YAE1: variants seen among roughly 807,000 people sequenced by gnomAD.
The protein encoded by YAE1 is YAE1 maturation factor of ABCE1.
In YAE1, 22 loss-of-function variants were observed where a neutral mutation model predicts 23.0. That is an observed-to-expected ratio of 0.96 (90% CI 0.68 to 1.37). The LOEUF (loss-of-function observed/expected upper bound fraction) is 1.37. Ranked by LOEUF, YAE1 falls within the 40% of genes most tolerant of loss-of-function variation. The pLI is 0.00. For synonymous variants in YAE1, 101 were observed against 97.0 expected, an observed-to-expected ratio of 1.04 and a Z score of -0.24; for missense variants, 260 against 262.1, an observed-to-expected ratio of 0.99 and a Z score of 0.06.
At chr7:39,599,233 G>A (rs1309286350) in intron 2 of YAE1, among the ~76,000 whole-genome samples, 1 of 150,834 alleles carries the variant, frequency 6.6e-6, no homozygotes, top group Non-Finnish European at 1.5e-5. Flanking sequence ...GAGAGACATG[G>A]TCTCAAAAAA....
intron 1 of YAE1, 157 bp downstream of exon 1, chr7:39,566,704 G>A: frequency 9.4e-7 from 1 of 1,063,930 alleles, no homozygotes; most frequent in Non-Finnish European, 1.3e-6. Context: ...TTTCTCGATG[G>A]TTACTTGAAA....
intron 1 of YAE1, chr7:39,569,673 G>A: frequency 1.5e-6 from 1 of 686,962 alleles, no homozygotes. Context: ...TCCCCACACT[G>A]GCAATCCAAT....
chr7:39,610,046 C>A (rs1453871223), exon 3 of YAE1: 40 of 1,470,456 alleles, frequency 2.7e-5, no homozygotes, highest in Non-Finnish European at 3.5e-5. Context: ...GTCCTCAGCA[C>A]CCAGCACCCA....
intron 2 of YAE1, among the ~76,000 whole-genome samples, chr7:39,585,624 T>G (rs1017907180): frequency 2.0e-5 from 3 of 152,232 alleles, no homozygotes; most frequent in Non-Finnish European, 4.4e-5. Context: ...TCCTCCAGAT[T>G]CTTCCAGATT....
At chr7:39,591,713 C>T (rs1790903149) in intron 2 of YAE1, among the ~76,000 whole-genome samples, 1 of 151,328 alleles carries the variant, frequency 6.6e-6, no homozygotes, top group Admixed American at 6.6e-5. Flanking sequence ...TTTACATTAG[C>T]ATTCACTTGG....
intron 2 of YAE1, among the ~76,000 whole-genome samples, chr7:39,587,540 T>A (rs991816047): frequency 4.6e-5 from 7 of 152,236 alleles, no homozygotes; most frequent in African/African-American, 1.7e-4. Context: ...GAAGGAATGT[T>A]GCACCCTGTT....
intron 2 of YAE1, among the ~76,000 whole-genome samples, chr7:39,607,203 C>G (rs1217439474): frequency 6.6e-6 from 1 of 152,058 alleles, no homozygotes; most frequent in Non-Finnish European, 1.5e-5. Context: ...TCACTGTGGT[C>G]GATAGAATAA....
intron 2 of YAE1, among the ~76,000 whole-genome samples, chr7:39,585,736 C>T (rs112515747): frequency 0.034 from 5,234 of 152,298 alleles, 145 homozygotes; most frequent in Admixed American, 0.071. Context: ...GGAATAGATA[C>T]ATTGGTGAAC....
chr7:39,566,699 C>G (rs1347824718), intron 1 of YAE1, 152 bp downstream of exon 1: 8 of 1,072,986 alleles, frequency 7.5e-6, no homozygotes, highest in Admixed American at 3.0e-5. Context: ...TAGGATTTCT[C>G]GATGGTTACT....
intron 2 of YAE1, among the ~76,000 whole-genome samples, chr7:39,606,382 C>T (rs1378490570): frequency 6.6e-6 from 1 of 152,146 alleles, no homozygotes; most frequent in Admixed American, 6.5e-5. Context: ...TAAACACCTA[C>T]GTGTAGTTAA....
chr7:39,586,438 C>G (rs1357939981), intron 2 of YAE1, among the ~76,000 whole-genome samples: 4 of 151,454 alleles, frequency 2.6e-5, no homozygotes, highest in African/African-American at 9.7e-5. Flanking sequence ...TCCCAAAGTG[C>G]TGGGATTACA....
intron 1 of YAE1, among the ~76,000 whole-genome samples, chr7:39,568,128 C>T (rs1790504772): frequency 6.6e-6 from 1 of 152,180 alleles, no homozygotes; most frequent in Admixed American, 6.5e-5. Context: ...GTCCCAGCTA[C>T]TTGGGAGGCT....
intron 2 of YAE1, among the ~76,000 whole-genome samples, chr7:39,583,452 T>A (rs1466049814): frequency 6.6e-6 from 1 of 152,146 alleles, no homozygotes. Context: ...ATAAGTCACT[T>A]CTCCACAATA....
At chr7:39,568,123 A>G (rs1790504613) in intron 1 of YAE1, among the ~76,000 whole-genome samples, 1 of 152,168 alleles carries the variant, frequency 6.6e-6, no homozygotes, top group Non-Finnish European at 1.5e-5. Context: ...CTATAGTCCC[A>G]GCTACTTGGG....
chr7:39,574,733 CAAAAAAAAA>C (rs574580885), downstream of YAE1, among the ~76,000 whole-genome samples: 8 of 78,060 alleles, frequency 1.0e-4, no homozygotes, highest in East Asian at 4.1e-4. Flanking sequence ...ACTCTGTCTC[CAAAAAAAAA>C]AAAAAAAAAA....
chr7:39,570,752 A>G lies in YAE1; in HGVS notation c.251+125A>G. 5 of 1,251,542 alleles carry G rather than the reference A, an allele frequency of 4.0e-6. No individual in the cohort carries two copies. In the South Asian group the frequency reaches 8.9e-5, roughly 22 times the overall value. 77.5% of individuals were successfully genotyped at this position (1,251,542 alleles called of 1,614,324 possible). ...TGCTAAATACACTAAAGCGTGTCGC[A>G]GATCATAGAATTATATTGCCTTCAA... On this transcript the variant is annotated intron_variant, in intron 2 of 2. Coordinates refer to ENST00000223273, the MANE Select transcript of YAE1 (RefSeq NM_020192.5).
At chr7:39,608,033 A>G (rs901572971) in intron 2 of YAE1, among the ~76,000 whole-genome samples, 1 of 152,114 alleles carries the variant, frequency 6.6e-6, no homozygotes, top group Non-Finnish European at 1.5e-5. Context: ...GAAATCCTTA[A>G]TAGCCTTCAG....
At chr7:39,583,879 G>C (rs1790778475) in intron 2 of YAE1, among the ~76,000 whole-genome samples, 2 of 152,174 alleles carry the variant, frequency 1.3e-5, no homozygotes, top group Admixed American at 6.5e-5. Flanking sequence ...TAGGGTTATT[G>C]TAAAGAATCT....
At chr7:39,610,422 C>T (rs1033944771), downstream of YAE1, 5 of 451,958 alleles carry the variant, frequency 1.1e-5, no homozygotes, top group East Asian at 7.0e-5. Flanking sequence ...CCATTTTATA[C>T]GACTTGAAAG....
Sources: allele counts gnomAD v4.1 joint callset (sites outside exome capture counted in the v4.1 genomes callset), GRCh38; gene constraint gnomAD v4.1.1; transcripts MANE v1.5; gene names NCBI Gene and HGNC (gene_info 2026-07-23, HGNC 2026-07-21).